Variants in SNX27 observed in about 807,000 individuals in gnomAD.
SNX27 encodes sorting nexin 27, also known as sorting nexin-27.
A neutral mutation model predicts 71.6 loss-of-function variants in SNX27; 22 were observed. The ratio of observed to expected loss-of-function variants is 0.31; its 90% CI spans 0.22 to 0.44. SNX27 has a LOEUF of 0.44. Ranked by LOEUF, SNX27 falls within the 20% of genes least tolerant of loss-of-function variation. The pLI, the probability that SNX27 is intolerant of heterozygous loss-of-function variation, is 1.00. For missense variants in SNX27, 531 were observed against 698.6 expected (o/e 0.76, Z 2.70); for synonymous variants, 269 against 277.2 (o/e 0.97, Z 0.29).
At chr1:151,626,845 A>G (rs1169246939) in intron 1 of SNX27, among the ~76,000 whole-genome samples, 3 of 152,244 alleles carry the variant, frequency 2.0e-5, no homozygotes, top group Non-Finnish European at 4.4e-5. Context: ...CAGTGGTTAC[A>G]CTAAATCATG....
intron 9 of SNX27, 22 bp downstream of exon 9, chr1:151,692,606 C>T (rs772498768): frequency 3.1e-6 from 5 of 1,604,778 alleles, no homozygotes; most frequent in Non-Finnish European, 4.2e-6. Context: ...GCATAGGGCT[C>T]TGGCTGCGAG....
In SNX27 at chr1:151,692,935, G is replaced by T; in HGVS notation, c.1414G>T (p.Asp472Tyr). The T allele has an allele frequency of 6.2e-7, 1 of 1,614,156 alleles. No individual in the cohort carries two copies. Among genetic ancestry groups the T allele is most frequent in the Non-Finnish European group, 8.5e-7 (1 of 1,180,020 alleles). ...LENQVIAFEW[D>Y]EMQRWDTDEE... ...GAACCAGGTAATTGCATTTGAATGG[G>T]ATGAGATGCAGCGATGGGACACAGA... Residue 472 changes from aspartate (D) to tyrosine (Y), a missense_variant, in exon 10 of 12, where the codon GAT becomes TAT. By Grantham distance (160) the Asp-to-Tyr change is radical. Around this residue, in one of 5 missense-constraint regions of SNX27, gnomAD observed 157 missense variants for 178.4 expected, o/e 0.88. Transcript: ENST00000458013.
intron 7 of SNX27, among the ~76,000 whole-genome samples, chr1:151,670,646 G>C (rs557926406): frequency 6.6e-6 from 1 of 151,404 alleles, no homozygotes; most frequent in Admixed American, 6.6e-5. Flanking sequence ...TTTTTTTCCT[G>C]TTGAGTTGTT....
chr1:151,650,252 T>A (rs1190323604), intron 2 of SNX27, among the ~76,000 whole-genome samples: 2 of 152,088 alleles, frequency 1.3e-5, no homozygotes. Flanking sequence ...ATTCTCACAC[T>A]CTCAGCCTCA....
At chr1:151,690,239 C>T (rs548831245) in intron 8 of SNX27, among the ~76,000 whole-genome samples, 1 of 152,320 alleles carries the variant, frequency 6.6e-6, no homozygotes, top group Non-Finnish European at 1.5e-5. Flanking sequence ...CTTCGACTTT[C>T]TGCCATTCAT....
chr1:151,656,666 T>A (rs1235352434), intron 2 of SNX27, among the ~76,000 whole-genome samples: 1 of 152,194 alleles, frequency 6.6e-6, no homozygotes, highest in Non-Finnish European at 1.5e-5. Context: ...TTTATACAAA[T>A]GTCAATGGCA....
chr1:151,683,339 T>A lies in SNX27; in HGVS notation c.1150-17T>A, dbSNP rs745683531. ...ATTTTTACACTCCTTTCTGCTCTACTTCTGTTTTGGTGATAGGCAGTCGAT... is the reference window on the plus strand; with the variant it reads ...ATTTTTACACTCCTTTCTGCTCTACATCTGTTTTGGTGATAGGCAGTCGAT... On this transcript the variant is annotated splice_polypyrimidine_tract_variant and intron_variant, in intron 7 of 11. Transcript: ENST00000458013. The A allele has an allele frequency of 6.3e-7, 1 of 1,598,278 alleles. No homozygotes were observed. The highest frequency in any genetic ancestry group is 8.5e-7 in the Non-Finnish European group (1 of 1,171,948).
intron 2 of SNX27, among the ~76,000 whole-genome samples, chr1:151,651,333 C>T (rs1197025016): frequency 6.8e-6 from 1 of 147,312 alleles, no homozygotes; most frequent in East Asian, 2.0e-4. Context: ...GGGGGGCTGA[C>T]CCCCCCCACC....
chr1:151,658,144 C>A, intron 2 of SNX27, 91 bp from the exon 3 acceptor site: 1 of 1,179,858 alleles, frequency 8.5e-7, no homozygotes, highest in Non-Finnish European at 1.2e-6. Flanking sequence ...TAGCAGAATG[C>A]ATCTAACCAA....
chr1:151,694,643 A>C lies in SNX27; in HGVS notation c.*226A>C. The C allele has an allele frequency of 2.2e-6, 1 of 462,064 alleles. No individual in the cohort carries two copies. Among genetic ancestry groups the C allele is most frequent in the East Asian group, 3.5e-5 (1 of 28,412 alleles). 28.6% of individuals were successfully genotyped at this position (462,064 alleles called of 1,614,324 possible). A position where few individuals can be genotyped will look rare whatever the true frequency, so the allele number is the denominator to read the frequency against. On this transcript the variant is annotated 3_prime_UTR_variant, in exon 12 of 12. Coordinates refer to ENST00000458013, the MANE Select transcript of SNX27 (RefSeq NM_001330723.2). ...TCAGCACCAGAAGTCAACTGAGTTA[A>C]GGCAGGAAAAGAAATAAGCCCAACC...
chr1:151,651,388 C>T (rs574037998), intron 2 of SNX27, among the ~76,000 whole-genome samples: 2 of 149,776 alleles, frequency 1.3e-5, no homozygotes, highest in African/African-American at 4.9e-5. Context: ...GCTGACCCCC[C>T]CCACCTCCCT....
chr1:151,614,022 G>T (rs1667315981), intron 1 of SNX27: 1 of 151,688 alleles, frequency 6.6e-6, no homozygotes, highest in Non-Finnish European at 1.5e-5. Context: ...ATAGTTTTTT[G>T]AAAATCTGCC....
chr1:151,638,725 A>G (rs1002802533), intron 1 of SNX27, 163 bp from the exon 2 acceptor site: 27 of 668,422 alleles, frequency 4.0e-5, no homozygotes, highest in Non-Finnish European at 6.7e-5. Flanking sequence ...AGTTTTTCAC[A>G]TTAGAAACTG....
intron 2 of SNX27, among the ~76,000 whole-genome samples, chr1:151,649,879 T>C (rs573923463): frequency 1.3e-5 from 2 of 152,092 alleles, no homozygotes; most frequent in East Asian, 3.9e-4. Context: ...CTAACTTTTA[T>C]ATTTTATTTT....
Position 151,668,532 on chromosome 1 carries a change from C to T in SNX27, c.1046C>T (p.Ala349Val). Residue 349 changes from alanine to valine, a missense_variant, in exon 7 of 12, where the codon GCT (alanine) becomes GTT (valine). This residue lies in a region of SNX27 where 184 missense variants were observed against 289.6 expected (regional missense o/e 0.64). Transcript: ENST00000458013. ...HKLYIQNYTS[A>V]VPGTCLTIRK... is the part of the protein sequence containing the mutation. Reference sequence around the variant, plus strand: ...CTCTACATTCAGAATTATACATCAGCTGTGCCAGGCACCTGCTTGACCATT... The same window carrying T: ...CTCTACATTCAGAATTATACATCAGTTGTGCCAGGCACCTGCTTGACCATT... 6.2e-7 allele frequency: 1 copy of T among 1,614,046 alleles called. No individual in the cohort carries two copies. The highest frequency in any genetic ancestry group is 1.3e-5 in the African/African-American group (1 of 75,068).
chr1:151,692,058 G>T (rs1671477289), intron 8 of SNX27, among the ~76,000 whole-genome samples: 1 of 151,950 alleles, frequency 6.6e-6, no homozygotes. Flanking sequence ...AAATTAGCTG[G>T]GTATGGTGGT....
At chr1:151,654,701 T>G (rs1669593930) in intron 2 of SNX27, among the ~76,000 whole-genome samples, 1 of 152,162 alleles carries the variant, frequency 6.6e-6, no homozygotes, top group Non-Finnish European at 1.5e-5. Flanking sequence ...CCACATCTGG[T>G]GAAGGCCTTT....
At chr1:151,688,307 C>T (rs570798006) in intron 8 of SNX27, among the ~76,000 whole-genome samples, 3 of 152,082 alleles carry the variant, frequency 2.0e-5, no homozygotes, top group Non-Finnish European at 4.4e-5. Flanking sequence ...ATACCAAATA[C>T]CCTTTTAAAT....
intron 7 of SNX27, chr1:151,678,764 A>G (rs1571862562): frequency 6.6e-6 from 1 of 151,868 alleles, no homozygotes; most frequent in South Asian, 2.1e-4. Context: ...CCCAGGCTGG[A>G]GTGCAGTGGG....
Sources: allele counts gnomAD v4.1 joint callset (sites outside exome capture counted in the v4.1 genomes callset), GRCh38; gene constraint gnomAD v4.1.1; regional missense constraint gnomAD v4.1.1; transcripts MANE v1.5; gene names NCBI Gene and HGNC (gene_info 2026-07-23, HGNC 2026-07-21).